FRAS1: variants seen among roughly 807,000 people sequenced by gnomAD.
The protein encoded by FRAS1 is extracellular matrix organizing protein FRAS1.
FRAS1 carries 290 observed loss-of-function variants against 435.2 expected under a neutral mutation model. The ratio of observed to expected loss-of-function variants is 0.67; its 90% CI spans 0.61 to 0.73. The LOEUF (loss-of-function observed/expected upper bound fraction) is 0.73. FRAS1 is among the 30% of genes least tolerant of loss of function. The pLI, the probability that FRAS1 is intolerant of heterozygous loss-of-function variation, is 0.00. For synonymous variants in FRAS1, 1,800 were observed against 1,851.0 expected (o/e 0.97, Z 0.71); for missense variants, 4,860 against 5,001.5 (o/e 0.97, Z 0.85).
chr4:78,401,000 T>C, intron 30 of FRAS1, 113 bp downstream of exon 30: 3 of 896,872 alleles, frequency 3.3e-6, no homozygotes, highest in Non-Finnish European at 5.0e-6. Context: ...AGCTTTCTAA[T>C]ACCTTACAAA....
rs1422074997 is a variant in FRAS1 at position 78,429,099 on chromosome 4, A to T, written c.4716A>T (p.Ser1572=). Reference sequence around the variant, plus strand: ...GTGTGCATTTATCCTTTTTAGTTTCAGATGGAGAACACACAAGTCCGGAGA... The same window carrying T: ...GTGTGCATTTATCCTTTTTAGTTTCTGATGGAGAACACACAAGTCCGGAGA... The part of the protein sequence containing the change: ...PESVKFHFTV[S]DGEHTSPEMV... Residue 1572 remains serine (S), a synonymous_variant, in exon 36 of 74, where the codon TCA becomes TCT. Coordinates refer to ENST00000512123, the MANE Select transcript of FRAS1 (RefSeq NM_025074.7). 2.6e-6 allele frequency: 4 copies of T among 1,553,402 alleles called. No individual in the cohort carries two copies.
At chr4:78,479,143 T>A (rs2109857285) in intron 55 of FRAS1, among the ~76,000 whole-genome samples, 1 of 152,310 alleles carries the variant, frequency 6.6e-6, no homozygotes, top group South Asian at 2.1e-4. Flanking sequence ...ATTCACAGAA[T>A]AGGAAATCCA....
chr4:78,380,052 C>T (rs1487956906), intron 27 of FRAS1, 56 bp downstream of exon 27: 4 of 1,567,722 alleles, frequency 2.6e-6, no homozygotes, highest in Non-Finnish European at 3.5e-6. Flanking sequence ...TGCTTTTCCA[C>T]TCCTCCACCC....
At chr4:78,319,183 T>C (rs1243248245) in intron 18 of FRAS1, among the ~76,000 whole-genome samples, 197 bp downstream of exon 18, 1 of 152,186 alleles carries the variant, frequency 6.6e-6, no homozygotes, top group African/African-American at 2.4e-5. Flanking sequence ...CCATAGATGA[T>C]CTTAAAGAGC....
At chr4:78,379,669 G>T (rs1560692525) in intron 26 of FRAS1, 57 bp from the exon 27 acceptor site, 2 of 1,523,650 alleles carry the variant, frequency 1.3e-6, no homozygotes, top group Non-Finnish European at 1.8e-6. Flanking sequence ...TAAGGGGAAA[G>T]TGACCTAATT....
intron 2 of FRAS1, among the ~76,000 whole-genome samples, chr4:78,102,184 T>G (rs2109920789): frequency 6.6e-6 from 1 of 152,324 alleles, no homozygotes; most frequent in African/African-American, 2.4e-5. Flanking sequence ...GTGTCTAAAC[T>G]GTTGAACATG....
intron 2 of FRAS1, among the ~76,000 whole-genome samples, chr4:78,081,246 T>C (rs1052548422): frequency 2.0e-5 from 3 of 152,136 alleles, no homozygotes; most frequent in Admixed American, 6.6e-5. Flanking sequence ...GCAACTTCAA[T>C]AGAACTTTCT....
chr4:78,217,708 C>T (rs1723829081), intron 2 of FRAS1, among the ~76,000 whole-genome samples: 1 of 151,944 alleles, frequency 6.6e-6, no homozygotes, highest in Admixed American at 6.6e-5. Context: ...AGTACTGTGC[C>T]AGATTTTCAG....
intron 14 of FRAS1, among the ~76,000 whole-genome samples, chr4:78,292,729 A>AT (rs2110196215): frequency 6.6e-6 from 1 of 152,206 alleles, no homozygotes; most frequent in Non-Finnish European, 1.5e-5. Context: ...CTCTGTTGGG[A>AT]TAGTCATGGC....
intron 2 of FRAS1, among the ~76,000 whole-genome samples, chr4:78,139,956 G>T (rs1443674608): frequency 6.6e-6 from 1 of 151,534 alleles, no homozygotes; most frequent in Non-Finnish European, 1.5e-5. Flanking sequence ...CTTTTTTTTT[G>T]ATTAAGGGAA....
chr4:78,323,918 A>G (rs1181849222), intron 18 of FRAS1, among the ~76,000 whole-genome samples: 2 of 152,142 alleles, frequency 1.3e-5, no homozygotes, highest in Non-Finnish European at 2.9e-5. Flanking sequence ...AATTTCTCAT[A>G]GGACTCTCCT....
chr4:78,421,146 A>G (rs1449000393), intron 33 of FRAS1, among the ~76,000 whole-genome samples: 1 of 151,350 alleles, frequency 6.6e-6, no homozygotes, highest in South Asian at 2.1e-4. Context: ...TTAGTTTTTT[A>G]ATTTATATAT....
Position 78,181,855 on chromosome 4 carries a change from G to A in FRAS1, c.109-55655G>A, listed in dbSNP as rs1438480158. On this transcript the variant is annotated intron_variant, in intron 2 of 73. Coordinates refer to ENST00000512123, the MANE Select transcript of FRAS1 (RefSeq NM_025074.7). ...CCTTGCGCAGCTGTTTGCCTGCCGC[G>A]TTGGAGTTGGTCTGGGCCGCCGCCT... 6.2e-6 allele frequency: 10 copies of A among 1,611,924 alleles called. No individual in the cohort carries two copies. The South Asian group carries it at 8.8e-5, about 14-fold the overall frequency.
At chr4:78,428,273 A>G (rs539037895) in intron 35 of FRAS1, among the ~76,000 whole-genome samples, 1 of 152,334 alleles carries the variant, frequency 6.6e-6, no homozygotes, top group South Asian at 2.1e-4. Context: ...CTTACTTCCA[A>G]ACTAATGACA....
At chr4:78,534,187 A>T (rs1721813616) in intron 70 of FRAS1, among the ~76,000 whole-genome samples, 1 of 152,216 alleles carries the variant, frequency 6.6e-6, no homozygotes. Flanking sequence ...CCCCAGAGTG[A>T]AAGGGCCAAA....
chr4:78,211,689 A>G (rs1256873333), intron 2 of FRAS1, among the ~76,000 whole-genome samples: 1 of 152,240 alleles, frequency 6.6e-6, no homozygotes, highest in Admixed American at 6.5e-5. Context: ...CTCTTTTAAA[A>G]AAAATTGTTG....
intron 47 of FRAS1, among the ~76,000 whole-genome samples, chr4:78,461,321 T>C (rs1420987957): frequency 6.6e-6 from 1 of 152,230 alleles, no homozygotes; most frequent in African/African-American, 2.4e-5. Flanking sequence ...GTTTCTTGTC[T>C]AGATAAGTTT....
chr4:78,369,143 A>G (rs374588821), intron 22 of FRAS1, among the ~76,000 whole-genome samples: 16 of 152,224 alleles, frequency 1.1e-4, no homozygotes, highest in African/African-American at 3.9e-4. Flanking sequence ...TGAGAGTTAT[A>G]TCGGAGAGTT....
intron 2 of FRAS1, among the ~76,000 whole-genome samples, chr4:78,183,182 T>G (rs1424014357): frequency 6.6e-6 from 1 of 152,150 alleles, no homozygotes; most frequent in Non-Finnish European, 1.5e-5. Flanking sequence ...ATGGGAAGGC[T>G]GTTGGCATCT....
Sources: allele counts gnomAD v4.1 joint callset (sites outside exome capture counted in the v4.1 genomes callset), GRCh38; gene constraint gnomAD v4.1.1; transcripts MANE v1.5; gene names NCBI Gene and HGNC (gene_info 2026-07-23, HGNC 2026-07-21).